Variants in NCOA7 observed in about 807,000 individuals in gnomAD.
NCOA7 encodes 140 kDa estrogen receptor-associated protein.
Under a neutral mutation model 104.3 loss-of-function variants are expected in NCOA7, and 45 were observed. The ratio of observed to expected loss-of-function variants is 0.43; its 90% confidence interval spans 0.34 to 0.55. The LOEUF is 0.55. NCOA7 is among the 20% of genes least tolerant of loss of function. The pLI, the probability that NCOA7 is intolerant of heterozygous loss-of-function variation, is 0.02. For synonymous variants in NCOA7, 398 were observed against 402.3 expected (o/e 0.99, Z 0.13); for missense variants, 1,041 against 1,119.7 (o/e 0.93, Z 1.00).
chr6:125,885,024 G>T, intron 7 of NCOA7, 135 bp from the exon 8 acceptor site: 1 of 843,772 alleles, frequency 1.2e-6, no homozygotes, highest in Non-Finnish European at 1.9e-6. Context: ...CCTCACAAAG[G>T]GGATGTAATT....
At chr6:125,878,854 C>A (rs1475336102) in intron 5 of NCOA7, among the ~76,000 whole-genome samples, 2 of 152,134 alleles carry the variant, frequency 1.3e-5, no homozygotes, top group Admixed American at 6.6e-5. Context: ...GAAACTTTCA[C>A]CCCTGCCCAT....
intron 10 of NCOA7, among the ~76,000 whole-genome samples, chr6:125,898,631 A>C (rs948511340): frequency 2.0e-5 from 3 of 152,166 alleles, no homozygotes; most frequent in African/African-American, 7.2e-5. Flanking sequence ...AAAAAAAACT[A>C]TTCTGATCTT....
intron 1 of NCOA7, among the ~76,000 whole-genome samples, chr6:125,797,475 G>T (rs1013743620): frequency 3.3e-5 from 5 of 152,138 alleles, no homozygotes; most frequent in African/African-American, 1.2e-4. Context: ...CACTAACCAG[G>T]TATGCCTTAT....
At chr6:125,841,789 GC>G (rs1305487831) in intron 2 of NCOA7, among the ~76,000 whole-genome samples, 1 of 152,070 alleles carries the variant, frequency 6.6e-6, no homozygotes, top group Non-Finnish European at 1.5e-5. Flanking sequence ...CCAGCATGTA[GC>G]AATTGGAAAA....
chr6:125,918,449 TCTTCTTTATAACC>T (rs1439719697), intron 11 of NCOA7, among the ~76,000 whole-genome samples: 1 of 152,022 alleles, frequency 6.6e-6, no homozygotes, highest in East Asian at 1.9e-4. Context: ...TCTGCTAGAG[TCTTCTTTATAACC>T]CCCAGTGTGA....
chr6:125,875,091 C>T, intron 4 of NCOA7, 123 bp downstream of exon 4: 1 of 663,490 alleles, frequency 1.5e-6, no homozygotes, highest in East Asian at 2.6e-5. Context: ...AATCAAGCTT[C>T]TTAAGACCAG....
chr6:125,896,187 T>C (rs1458378957), intron 10 of NCOA7, among the ~76,000 whole-genome samples: 5 of 151,964 alleles, frequency 3.3e-5, no homozygotes. Flanking sequence ...ACATTAAAAG[T>C]ATCTGTAAAA....
chr6:125,788,803 A>G (rs1420934251), upstream of NCOA7, among the ~76,000 whole-genome samples: 2 of 151,222 alleles, frequency 1.3e-5, no homozygotes, highest in Non-Finnish European at 2.9e-5. Context: ...CGGCCTCCCA[A>G]AGTGCTGGGA....
chr6:125,867,808 C>A (rs534036054), intron 3 of NCOA7, among the ~76,000 whole-genome samples: 1 of 152,280 alleles, frequency 6.6e-6, no homozygotes, highest in South Asian at 2.1e-4. Context: ...CCTTTCCTGG[C>A]ACAACTGGAA....
At chr6:125,872,053 G>A (rs569628821) in intron 3 of NCOA7, among the ~76,000 whole-genome samples, 1 of 150,900 alleles carries the variant, frequency 6.6e-6, no homozygotes, top group African/African-American at 2.4e-5. Flanking sequence ...GCATCATCAC[G>A]GTCTTTACCT....
At chr6:125,869,675 G>A (rs1174246150) in intron 3 of NCOA7, among the ~76,000 whole-genome samples, 1 of 152,224 alleles carries the variant, frequency 6.6e-6, no homozygotes, top group Non-Finnish European at 1.5e-5. Flanking sequence ...AGCGTTGCTG[G>A]CTCTGCGGGT....
At chr6:125,851,335 C>T (rs55670158) in intron 2 of NCOA7, among the ~76,000 whole-genome samples, 7,140 of 152,070 alleles carry the variant, frequency 0.047, 569 homozygotes, top group African/African-American at 0.16. Flanking sequence ...CACTTATAAG[C>T]GAGAACATGT....
chr6:125,811,411 G>T (rs567786015), intron 1 of NCOA7, among the ~76,000 whole-genome samples: 1 of 152,308 alleles, frequency 6.6e-6, no homozygotes, highest in African/African-American at 2.4e-5. Flanking sequence ...TTGGGGCGAG[G>T]AGACTAATTG....
intron 2 of NCOA7, among the ~76,000 whole-genome samples, chr6:125,840,391 G>A (rs998820715): frequency 1.3e-5 from 2 of 152,016 alleles, no homozygotes; most frequent in Non-Finnish European, 2.9e-5. Context: ...ATTTAGTGCA[G>A]CCTAAGTATA....
chr6:125,894,047 T>C (rs1784815067), intron 10 of NCOA7, among the ~76,000 whole-genome samples: 1 of 152,286 alleles, frequency 6.6e-6, no homozygotes, highest in African/African-American at 2.4e-5. Context: ...CTCCTCCTGC[T>C]TTCACTCTTG....
intron 1 of NCOA7, among the ~76,000 whole-genome samples, chr6:125,799,125 C>G (rs772447221): frequency 8.5e-5 from 13 of 152,084 alleles, no homozygotes; most frequent in Non-Finnish European, 1.3e-4. Context: ...GGCACTGTGT[C>G]CTCTCTACAT....
intron 2 of NCOA7, among the ~76,000 whole-genome samples, chr6:125,834,067 G>A (rs901513874): frequency 1.4e-5 from 2 of 141,840 alleles, no homozygotes; most frequent in Non-Finnish European, 3.2e-5. Flanking sequence ...TTATTAAGAC[G>A]TGACAAAATG....
At chr6:125,903,117 T>C (rs569904881) in intron 10 of NCOA7, among the ~76,000 whole-genome samples, 1 of 152,298 alleles carries the variant, frequency 6.6e-6, no homozygotes, top group African/African-American at 2.4e-5. Flanking sequence ...GAATATGGTG[T>C]CTCCTTTGGG....
intron 8 of NCOA7, among the ~76,000 whole-genome samples, chr6:125,886,853 C>G (rs1320497243): frequency 6.6e-6 from 1 of 152,228 alleles, no homozygotes; most frequent in African/African-American, 2.4e-5. Context: ...TAAAACTCCT[C>G]CATCCTCACC....
Sources: allele counts gnomAD v4.1 joint callset (sites outside exome capture counted in the v4.1 genomes callset), GRCh38; gene constraint gnomAD v4.1.1; transcripts MANE v1.5; gene names NCBI Gene and HGNC (gene_info 2026-07-23, HGNC 2026-07-21).